Variants in DBNDD1 observed in about 807,000 individuals in gnomAD.
DBNDD1 encodes dysbindin domain-containing protein 1.
In DBNDD1, 14 loss-of-function variants were observed where a neutral mutation model predicts 17.0. That is an observed-to-expected ratio of 0.82 (90% confidence interval 0.54 to 1.29). The LOEUF is 1.29. Among genes scored for constraint, DBNDD1 ranks in the 50% most tolerant of loss-of-function variants. DBNDD1 has a pLI of 0.00. For missense variants in DBNDD1, 221 were observed against 216.2 expected (o/e 1.02, Z -0.14); for synonymous variants, 105 against 102.0 (o/e 1.03, Z -0.18).
chr16:90,009,342 C>A lies in DBNDD1; in HGVS notation c.120G>T (p.Glu40Asp), dbSNP rs199893398. ...CTGGTACTGGGATGCCCCCGACCTC[C>A]TCCTCCACAGGCGTGTGGCCATTGT... ...TGDNGHTPVE[E>D]EVGGIPVPAP... The change falls in exon 2 of 4, where the codon GAG becomes GAT. Residue 40 changes from glutamate to aspartate, a missense_variant. Physicochemically the swap from Glu to Asp is conservative, Grantham distance 45. Transcript: ENST00000002501. 2.8e-4 allele frequency: 459 copies of A among 1,613,610 alleles called. 1 individual carries two copies. Among genetic ancestry groups the A allele is most frequent in the Middle Eastern group, 1.6e-3 (10 of 6,062 alleles).
At chr16:90,011,977 A>G (rs900509813) in intron 1 of DBNDD1, among the ~76,000 whole-genome samples, 1 of 152,168 alleles carries the variant, frequency 6.6e-6, no homozygotes, top group African/African-American at 2.4e-5. Context: ...GTGTAGACCA[A>G]AGCCCCAGGC....
chr16:90,006,034 G>A lies in DBNDD1; in HGVS notation c.*301C>T. The A allele has an allele frequency of 6.3e-6, 2 of 318,632 alleles. No homozygotes were observed. The highest frequency in any genetic ancestry group is 1.2e-4 in the South Asian group (2 of 16,868). The allele number at this position is 318,632 out of a possible 1,614,324, so 19.7% of individuals were successfully genotyped here. A position where few individuals can be genotyped will look rare whatever the true frequency, so the allele number is the denominator to read the frequency against. ...CGTGACGCTGTCTTCCTGACTCGGG[G>A]CCCAGGAACGAGCTGGACGTAAGGC... On this transcript the variant is annotated 3_prime_UTR_variant, in exon 4 of 4. Transcript: ENST00000002501.
At chr16:90,014,736 G>A (rs1437170440) in intron 1 of DBNDD1, among the ~76,000 whole-genome samples, 1 of 152,084 alleles carries the variant, frequency 6.6e-6, no homozygotes, top group Non-Finnish European at 1.5e-5. Context: ...CGGGCGCGGT[G>A]GCTCACGCCT....
At chr16:90,010,115 G>C in intron 1 of DBNDD1, 2 of 1,470,158 alleles carry the variant, frequency 1.4e-6, no homozygotes, top group Non-Finnish European at 1.9e-6. Context: ...GTGCAATCTC[G>C]GCTCACTGCA....
At chr16:90,019,846 G>A, upstream of DBNDD1, 1 of 686,970 alleles carries the variant, frequency 1.5e-6, no homozygotes, top group South Asian at 1.5e-5. This position sits in a 1 kb window ranked among gnomAD's most constrained non-coding sequence, Gnocchi z 6.1. Context: ...CCTGACTCGC[G>A]CTGGGTAATG....
rs2035486982 is a variant in DBNDD1 at position 90,008,689 on chromosome 16, G to T, written c.319+95C>A. The T allele has an allele frequency of 1.3e-5, 14 of 1,100,554 alleles. 4 individuals carry two copies. Among genetic ancestry groups the T allele is most frequent in the Non-Finnish European group, 1.4e-5 (11 of 781,526 alleles). The allele number at this position is 1,100,554 out of a possible 1,614,324, so 68.2% of individuals were successfully genotyped here. On this transcript the variant is annotated intron_variant, in intron 3 of 3. Transcript: ENST00000002501. ...AAACACACCTCCCAGGACGTCCCAA[G>T]GGCCCTCAGCCCACCACACACACCT... is the stretch of plus-strand genomic sequence containing the variant.
chr16:90,009,143 A>G, intron 2 of DBNDD1, 141 bp downstream of exon 2: 1 of 1,317,544 alleles, frequency 7.6e-7, no homozygotes, highest in Non-Finnish European at 1.0e-6. Context: ...TCAGAGAACC[A>G]GAGCTGCAAG....
chr16:90,008,848 G>A lies in DBNDD1; in HGVS notation c.255C>T (p.Asp85=), dbSNP rs781097133. 1.2e-6 allele frequency: 2 copies of A among 1,604,332 alleles called. No individual in the cohort carries two copies. Among genetic ancestry groups the A allele is most frequent in the African/African-American group, 1.3e-5 (1 of 74,880 alleles). Residue 85 remains aspartate, a synonymous_variant, in exon 3 of 4, where the codon GAC becomes GAT. Coordinates refer to ENST00000002501, the MANE Select transcript of DBNDD1 (RefSeq NM_001042610.3). ...LDLTELTDMS[D]QELAEVFADS... ...CAGCAAAGACCTCGGCCAGCTCCTG[G>A]TCCGACATGTCGGTGAGCTCAGTGA...
Position 90,018,246 on chromosome 16 carries a change from TAAGA to T in DBNDD1, c.31+1061_31+1064del, listed in dbSNP as rs1471612213. Reference sequence around the variant, plus strand: ...CCCAGGAGCCTGGGACTATCAGTGTTAAGAAAGAGCTCTGGTCCCTCCCACAAAT... The same window carrying T: ...CCCAGGAGCCTGGGACTATCAGTGTTAAGAGCTCTGGTCCCTCCCACAAAT... On this transcript the variant is annotated intron_variant, in intron 1 of 3. Transcript: ENST00000002501. 2.0e-5 allele frequency among the ~76,000 whole-genome samples: 3 copies of T among 152,238 alleles called. No homozygotes were observed. In the East Asian group the frequency reaches 5.8e-4, roughly 29 times the overall value.
In DBNDD1 at chr16:90,009,368, C is replaced by G. The variant is rs768845093; in HGVS notation, c.94G>C (p.Asp32His). 2 of 1,613,238 alleles carry G rather than the reference C, an allele frequency of 1.2e-6. No individual in the cohort carries two copies. Among genetic ancestry groups the G allele is most frequent in the Non-Finnish European group, 1.7e-6 (2 of 1,179,978 alleles). Residue 32 changes from aspartate to histidine, a missense_variant, in exon 2 of 4, where the codon GAC (aspartate) becomes CAC (histidine). Coordinates refer to ENST00000002501, the MANE Select transcript of DBNDD1 (RefSeq NM_001042610.3). Reference protein sequence around the residue: ...ALGVPAQGTGDNGHTPVEEEV... With the variant: ...ALGVPAQGTGHNGHTPVEEEV... The stretch of plus-strand genomic sequence containing the variant: ...TCCTCCACAGGCGTGTGGCCATTGT[C>G]CCCTGTCCCCTGGGCTGGGACGCCC...
intron 1 of DBNDD1, 64 bp from the exon 2 acceptor site, chr16:90,009,494 G>T (rs770660140): frequency 6.8e-4 from 1,086 of 1,593,116 alleles, no homozygotes; most frequent in Non-Finnish European, 7.9e-4. Context: ...CCAGGACGCG[G>T]GGCTGGGTGT....
chr16:90,006,937 T>G (rs12597919), intron 3 of DBNDD1: 1 of 123,560 alleles, frequency 8.1e-6, no homozygotes, highest in Non-Finnish European at 1.5e-5. Flanking sequence ...GGGCCTTGTG[T>G]GTCCCCGGCC....
chr16:90,010,155 C>T, intron 1 of DBNDD1: 1 of 980,518 alleles, frequency 1.0e-6, no homozygotes, highest in Non-Finnish European at 1.6e-6. Flanking sequence ...GAGCGATTCT[C>T]CTGCCTCATC....
At chr16:90,011,881 A>G (rs1351130275) in intron 1 of DBNDD1, among the ~76,000 whole-genome samples, 2 of 152,140 alleles carry the variant, frequency 1.3e-5, no homozygotes, top group African/African-American at 4.8e-5. Context: ...CTGCTTGACC[A>G]TTGTCCATAG....
Position 90,006,468 on chromosome 16 carries a change from C to T in DBNDD1, c.344G>A (p.Gly115Asp). 1 of 1,599,578 alleles carries T rather than the reference C, an allele frequency of 6.3e-7. No individual in the cohort carries two copies. The highest frequency in any genetic ancestry group is 8.5e-7 in the Non-Finnish European group (1 of 1,179,714). The change falls in exon 4 of 4, where the codon GGC (glycine) becomes GAC (aspartate). Residue 115 changes from glycine to aspartate, a missense_variant. By Grantham distance (94) the Gly-to-Asp change is moderately conservative (BLOSUM62 -1). Coordinates refer to ENST00000002501, the MANE Select transcript of DBNDD1 (RefSeq NM_001042610.3). Reference sequence around the variant, plus strand: ...CGTCCAGGAAGGGGAGCGCAGGTAGCCGGCCCGGGGCAGCGGGTGCAGACC... The same window carrying T: ...CGTCCAGGAAGGGGAGCGCAGGTAGTCGGCCCGGGGCAGCGGGTGCAGACC... ...PAGLHPLPRA[G>D]YLRSPSWTRT...
chr16:90,019,356 C>A lies in DBNDD1; in HGVS notation c.-15G>T. The A allele has an allele frequency of 8.3e-7, 1 of 1,205,248 alleles. No individual in the cohort carries two copies. The highest frequency in any genetic ancestry group is 4.2e-5 in the South Asian group (1 of 24,070). 74.7% of individuals were successfully genotyped at this position (1,205,248 alleles called of 1,614,324 possible). On this transcript the variant is annotated 5_prime_UTR_variant, in exon 1 of 4. Transcript: ENST00000002501. This position sits in a 1 kb window ranked among gnomAD's most constrained non-coding sequence, Gnocchi z 6.1. ...GGGGGCTCCATGCGGCCGGTGCGGT[C>A]TGGGAGGGGCACGGGCGACGGCGGC... is the stretch of plus-strand genomic sequence containing the variant.
chr16:90,014,649 C>CTA (rs1331624031), intron 1 of DBNDD1, among the ~76,000 whole-genome samples: 8 of 152,192 alleles, frequency 5.3e-5, no homozygotes, highest in African/African-American at 1.9e-4. Flanking sequence ...GGACAAAGCT[C>CTA]TAGCCCTGTG....
intron 1 of DBNDD1, among the ~76,000 whole-genome samples, chr16:90,017,262 G>A (rs889337465): frequency 6.6e-6 from 1 of 152,238 alleles, no homozygotes; most frequent in Non-Finnish European, 1.5e-5. Context: ...TTGGGAGGCC[G>A]AGGCGGGTGG....
rs4362387 is a variant in DBNDD1, at chr16:90,008,818, C to T, written c.285G>A (p.Ser95=). The change falls in exon 3 of 4, where the codon TCG becomes TCA. Residue 95 remains serine, a synonymous_variant. Coordinates refer to ENST00000002501, the MANE Select transcript of DBNDD1 (RefSeq NM_001042610.3). ...DQELAEVFAD[S]DDENLNTESP... is the part of the protein sequence containing the mutation. ...ACTCGGTGTTGAGGTTCTCGTCGTC[C>T]GAGTCAGCAAAGACCTCGGCCAGCT... The T allele has an allele frequency of 0.06, 96,632 of 1,602,596 alleles. 3,580 individuals carry two copies. The highest frequency in any genetic ancestry group is 0.12 in the East Asian group (5,314 of 44,512).
Sources: gnomAD v4.1 joint callset for allele counts (sites outside exome capture counted in the v4.1 genomes callset) on GRCh38, gnomAD v4.1.1 for gene constraint, Gnocchi (gnomAD v3.1) non-coding constraint, MANE v1.5 for transcripts, NCBI Gene and HGNC (gene_info 2026-07-23, HGNC 2026-07-21) for gene names.